The following RNF144B variants were observed in gnomAD, a reference collection of about 807,000 sequenced individuals.
RNF144B encodes E3 ubiquitin-protein ligase RNF144B.
RNF144B carries 25 observed loss-of-function variants against 40.2 expected under a neutral mutation model. The observed-to-expected ratio is 0.62, with a 90% CI of 0.45 to 0.87. The LOEUF is 0.87. RNF144B is among the 40% of genes least tolerant of loss of function. The pLI, the probability that RNF144B is intolerant of heterozygous loss-of-function variation, is 0.00. For missense variants in RNF144B, 365 were observed against 373.7 expected (o/e 0.98, Z 0.19); for synonymous variants, 145 against 136.3 (o/e 1.06, Z -0.44).
At chr6:18,407,790 A>G (rs1354733112) in intron 2 of RNF144B, among the ~76,000 whole-genome samples, 2 of 152,082 alleles carry the variant, frequency 1.3e-5, no homozygotes, top group Non-Finnish European at 2.9e-5. Context: ...CAGATTACTC[A>G]TGAAAAATTC....
In RNF144B at chr6:18,405,256, T is replaced by G. The variant is rs1382981793; in HGVS notation, c.165+5557T>G. ...TGGCACAATCTCGGCTCACTGTAAC[T>G]TCCGCCTCCCGGGTTCAAGTGGTTC... On this transcript the variant is annotated intron_variant, in intron 2 of 7. Coordinates refer to ENST00000259939, the MANE Select transcript of RNF144B (RefSeq NM_182757.4). This position sits in a 1 kb window ranked among gnomAD's most constrained non-coding sequence, Gnocchi z 4.5. Among the ~76,000 whole-genome samples, 1 of 151,848 alleles carries G rather than the reference T, an allele frequency of 6.6e-6. No homozygotes were observed.
At position 18,433,806 on chromosome 6, in the gene RNF144B, A is replaced by G. The variant is rs535252676; in HGVS notation, c.271-5878A>G. ...AGACTTCAGCTTGTTAGTTTCACTC[A>G]GGTGAATGGGTGAATGTGCTGTTTT... On this transcript the variant is annotated intron_variant, in intron 3 of 7. Coordinates refer to ENST00000259939, the MANE Select transcript of RNF144B (RefSeq NM_182757.4). 2.0e-5 allele frequency among the ~76,000 whole-genome samples: 3 copies of G among 152,316 alleles called. No homozygotes were observed. In the Middle Eastern group the frequency reaches 0.01, roughly 518 times the overall value.
At chr6:18,396,724 C>T (rs891998292) in intron 1 of RNF144B, 28 of 985,178 alleles carry the variant, frequency 2.8e-5, no homozygotes, top group Non-Finnish European at 3.1e-5. Context: ...GAGAAGACAA[C>T]AGATGGGAAG....
chr6:18,464,957 A>G lies in RNF144B; in HGVS notation c.802A>G (p.Ile268Val). The G allele has an allele frequency of 6.2e-7, 1 of 1,613,982 alleles. No individual in the cohort carries two copies. The highest frequency in any genetic ancestry group is 8.5e-7 in the Non-Finnish European group (1 of 1,179,946). ...GGGGATTCTCGTAGGCTTGGGCATCATTGCCTTGGTTACTTCACCCTTGTT... is the reference window on the plus strand; with the variant it reads ...GGGGATTCTCGTAGGCTTGGGCATCGTTGCCTTGGTTACTTCACCCTTGTT... ...VVGILVGLGI[I>V]ALVTSPLLLL... The change falls in exon 8 of 8, where the codon ATT becomes GTT. Residue 268 changes from isoleucine to valine, a missense_variant. Physicochemically the swap from Ile to Val is conservative, Grantham distance 29 (BLOSUM62 3). Coordinates refer to ENST00000259939, the MANE Select transcript of RNF144B (RefSeq NM_182757.4). The surrounding 1 kb of genome is among the most constrained non-coding windows in gnomAD (Gnocchi z 6.1).
intron 1 of RNF144B, chr6:18,396,441 G>T (rs1031383540): frequency 4.1e-6 from 4 of 983,238 alleles, no homozygotes; most frequent in East Asian, 1.1e-4. Flanking sequence ...GTAAGACTGA[G>T]AAATACTTGG....
In RNF144B at chr6:18,460,195, G is replaced by A. The variant is rs1221409824; in HGVS notation, c.681+444G>A. Among the ~76,000 whole-genome samples, 2 of 152,160 alleles carry A rather than the reference G, an allele frequency of 1.3e-5. No homozygotes were observed. The highest frequency in any genetic ancestry group is 2.9e-5 in the Non-Finnish European group (2 of 68,038). ...TGCATTTCTTTCTGGAGGCTTTAGGGGAGAATCTGTTTTCTTGCCTTGGAG... is the reference window on the plus strand; with the variant it reads ...TGCATTTCTTTCTGGAGGCTTTAGGAGAGAATCTGTTTTCTTGCCTTGGAG... On this transcript the variant is annotated intron_variant, in intron 6 of 7. Coordinates refer to ENST00000259939, the MANE Select transcript of RNF144B (RefSeq NM_182757.4). The surrounding 1 kb of genome is among the most constrained non-coding windows in gnomAD (Gnocchi z 4.4).
rs1021176318 is a variant in RNF144B at position 18,422,801 on chromosome 6, A to G, written c.166-4780A>G. On this transcript the variant is annotated intron_variant, in intron 2 of 7. Transcript: ENST00000259939. This position sits in a 1 kb window ranked among gnomAD's most constrained non-coding sequence, Gnocchi z 4.7. Reference sequence around the variant, plus strand: ...GGCAACATAGACCCAATTTCAATCAATCAATCAATAGTCGAGTGTAGTGGC... The same window carrying G: ...GGCAACATAGACCCAATTTCAATCAGTCAATCAATAGTCGAGTGTAGTGGC... 6.6e-6 allele frequency among the ~76,000 whole-genome samples: 1 copy of G among 152,052 alleles called. No individual in the cohort carries two copies. The highest frequency in any genetic ancestry group is 1.5e-5 in the Non-Finnish European group (1 of 68,012).
chr6:18,397,900 A>G (rs1287685054), intron 1 of RNF144B, among the ~76,000 whole-genome samples: 2 of 152,130 alleles, frequency 1.3e-5, no homozygotes, highest in African/African-American at 4.8e-5. Flanking sequence ...ACTTATCAGT[A>G]TCACAATTAA....
At chr6:18,440,674 T>G (rs1261344753) in intron 4 of RNF144B, among the ~76,000 whole-genome samples, 2 of 150,354 alleles carry the variant, frequency 1.3e-5, no homozygotes, top group Non-Finnish European at 3.0e-5. Context: ...AAAAAAAACG[T>G]ACAGAGCATG....
intron 2 of RNF144B, 128 bp downstream of exon 2, chr6:18,399,827 T>A: frequency 1.4e-6 from 1 of 723,916 alleles, no homozygotes; most frequent in Non-Finnish European, 2.2e-6. Context: ...GGAAAGCATT[T>A]CATATTTGAA....
rs765386514 is a variant in RNF144B, at chr6:18,463,316, A to G, written c.707A>G (p.Asp236Gly). ...LDNDIFLRHY[D>G]KGPCRNKLGH... ...AATGACATTTTCCTCAGACATTATG[A>G]CAAAGGGCCATGCAGGAATAAACTT... The change falls in exon 7 of 8, where the codon GAC (aspartate) becomes GGC (glycine). Residue 236 changes from aspartate (D) to glycine (G), a missense_variant. By Grantham distance (94) the Asp-to-Gly change is moderately conservative. Transcript: ENST00000259939. 4 of 1,608,462 alleles carry G rather than the reference A, an allele frequency of 2.5e-6. No individual in the cohort carries two copies. In the African/African-American group the frequency reaches 4.0e-5, roughly 16 times the overall value.
Position 18,447,442 on chromosome 6 carries a change from T to G in RNF144B, c.331+7698T>G, listed in dbSNP as rs1759108958. Among the ~76,000 whole-genome samples, 1 of 152,100 alleles carries G rather than the reference T, an allele frequency of 6.6e-6. No individual in the cohort carries two copies. The highest frequency in any genetic ancestry group is 1.5e-5 in the Non-Finnish European group (1 of 68,004). On this transcript the variant is annotated intron_variant, in intron 4 of 7. Coordinates refer to ENST00000259939, the MANE Select transcript of RNF144B (RefSeq NM_182757.4). This position sits in a 1 kb window ranked among gnomAD's most constrained non-coding sequence, Gnocchi z 5.6. ...TCCCATAGATTATGAAGATGAAGTCTTAGTGGGATGAGAAGCCATTGGAGG... is the reference window on the plus strand; with the variant it reads ...TCCCATAGATTATGAAGATGAAGTCGTAGTGGGATGAGAAGCCATTGGAGG...
chr6:18,462,321 T>G (rs907851189), intron 6 of RNF144B, among the ~76,000 whole-genome samples: 7 of 152,226 alleles, frequency 4.6e-5, no homozygotes, highest in Non-Finnish European at 8.8e-5. Context: ...ATAGTACTTG[T>G]TTTTAGCATA....
chr6:18,445,391 C>T (rs180675790), intron 4 of RNF144B, among the ~76,000 whole-genome samples: 1 of 152,270 alleles, frequency 6.6e-6, no homozygotes, highest in East Asian at 1.9e-4. Context: ...GGTCTCATGG[C>T]AGTTTTATTT....
chr6:18,438,184 A>G (rs529221532), intron 3 of RNF144B, among the ~76,000 whole-genome samples: 10 of 152,222 alleles, frequency 6.6e-5, no homozygotes, highest in Admixed American at 1.3e-4. Flanking sequence ...GCCTCCTATC[A>G]CTTCATTTGC....
intron 1 of RNF144B, among the ~76,000 whole-genome samples, chr6:18,397,736 C>T (rs1031472567): frequency 6.6e-6 from 1 of 151,930 alleles, no homozygotes; most frequent in Admixed American, 6.6e-5. Context: ...GTCCCCCTTC[C>T]TCCTTCTTTT....
intron 2 of RNF144B, among the ~76,000 whole-genome samples, chr6:18,424,275 C>T (rs1445002938): frequency 6.6e-6 from 1 of 152,116 alleles, no homozygotes; most frequent in Non-Finnish European, 1.5e-5. Context: ...ATATAACAAG[C>T]CTGGGGTACT....
Position 18,443,160 on chromosome 6 carries a change from T to C in RNF144B, c.331+3416T>C, listed in dbSNP as rs139971651. On this transcript the variant is annotated intron_variant, in intron 4 of 7. Transcript: ENST00000259939. This position sits in a 1 kb window ranked among gnomAD's most constrained non-coding sequence, Gnocchi z 4.7. ...TAATAGACATCTTACTGTCATAAAG[T>C]ATTGCAGTGTATTAAATTTAGTGGC... 5.9e-5 allele frequency among the ~76,000 whole-genome samples: 9 copies of C among 152,356 alleles called. No individual in the cohort carries two copies. The East Asian group carries it at 1.7e-3, about 29-fold the overall frequency.
chr6:18,450,506 C>A lies in RNF144B; in HGVS notation c.332-6649C>A, dbSNP rs1328529086. 1.3e-5 allele frequency among the ~76,000 whole-genome samples: 2 copies of A among 152,100 alleles called. No individual in the cohort carries two copies. The highest frequency in any genetic ancestry group is 2.9e-5 in the Non-Finnish European group (2 of 68,016). On this transcript the variant is annotated intron_variant, in intron 4 of 7. Transcript: ENST00000259939. The surrounding 1 kb of genome is among the most constrained non-coding windows in gnomAD (Gnocchi z 4.7). ...AGAGAAGGTGTTTTCACTATGTTGG[C>A]CAGGCTGGTCTCGAACTCCTGACCT...
Sources: allele counts gnomAD v4.1 joint callset (sites outside exome capture counted in the v4.1 genomes callset), GRCh38; gene constraint gnomAD v4.1.1; non-coding constraint Gnocchi (gnomAD v3.1); transcripts MANE v1.5; gene names NCBI Gene and HGNC (gene_info 2026-07-23, HGNC 2026-07-21).